The following SNX29 variants were observed in gnomAD, a reference collection of about 807,000 sequenced individuals.
The protein encoded by SNX29 is sorting nexin 29.
SNX29 carries 78 observed loss-of-function variants against 102.1 expected under a neutral mutation model. The ratio of observed to expected loss-of-function variants is 0.76; its 90% CI spans 0.64 to 0.92. SNX29 has a LOEUF of 0.92. Ranked by LOEUF, SNX29 falls within the 40% of genes least tolerant of loss-of-function variation. SNX29 has a pLI of 0.00. For synonymous variants in SNX29, 580 were observed against 414.5 expected (o/e 1.40, Z -4.85); for missense variants, 1,280 against 1,061.7 (o/e 1.21, Z -2.86).
chr16:12,462,048 T>TACACACACACAC (rs1567588303), intron 18 of SNX29, among the ~76,000 whole-genome samples: 26 of 116,154 alleles, frequency 2.2e-4, no homozygotes, highest in African/African-American at 1.0e-3. Flanking sequence ...CACACACTCT[T>TACACACACACAC]ATATATGAGA....
intron 4 of SNX29, among the ~76,000 whole-genome samples, chr16:12,039,398 C>T (rs1172300848): frequency 6.6e-6 from 1 of 152,104 alleles, no homozygotes; most frequent in Non-Finnish European, 1.5e-5. Flanking sequence ...CTCTGTTGTC[C>T]TGCCTGCTAG....
At chr16:12,241,182 G>A (rs187149761) in intron 14 of SNX29, among the ~76,000 whole-genome samples, 1 of 152,236 alleles carries the variant, frequency 6.6e-6, no homozygotes, top group Admixed American at 6.5e-5. Flanking sequence ...TTTTTAAGCT[G>A]CCTAGGTTGC....
intron 14 of SNX29, among the ~76,000 whole-genome samples, chr16:12,235,691 G>A (rs997186238): frequency 6.6e-6 from 1 of 152,082 alleles, no homozygotes; most frequent in Admixed American, 6.5e-5. Flanking sequence ...AAAAAGACTT[G>A]CATCCACATT....
At chr16:12,426,407 C>T (rs2085082092) in intron 18 of SNX29, among the ~76,000 whole-genome samples, 1 of 152,110 alleles carries the variant, frequency 6.6e-6, no homozygotes, top group Non-Finnish European at 1.5e-5. Context: ...CACGTCACTC[C>T]CTCAAAACAC....
At chr16:12,411,144 G>T (rs1211329904) in intron 18 of SNX29, among the ~76,000 whole-genome samples, 2 of 152,206 alleles carry the variant, frequency 1.3e-5, no homozygotes, top group African/African-American at 4.8e-5. Context: ...GGGGAGAGAA[G>T]GACCCGTTCT....
At chr16:12,438,151 A>AG (rs1306272605) in intron 18 of SNX29, among the ~76,000 whole-genome samples, 4 of 151,790 alleles carry the variant, frequency 2.6e-5, no homozygotes, top group Non-Finnish European at 5.9e-5. Flanking sequence ...GGGCAGGAGT[A>AG]GGGGGGCATC....
intron 12 of SNX29, among the ~76,000 whole-genome samples, chr16:12,126,944 G>A (rs947994598): frequency 1.3e-5 from 2 of 152,134 alleles, no homozygotes; most frequent in Non-Finnish European, 2.9e-5. Flanking sequence ...TAAGAATTTG[G>A]TAGAGTGATC....
At chr16:12,338,424 G>A (rs2081515742) in intron 15 of SNX29, among the ~76,000 whole-genome samples, 1 of 152,168 alleles carries the variant, frequency 6.6e-6, no homozygotes, top group Non-Finnish European at 1.5e-5. Context: ...CCCCCGGGAG[G>A]TATTCCCGGG....
chr16:12,037,286 G>A (rs529061492), intron 4 of SNX29, among the ~76,000 whole-genome samples: 3 of 152,238 alleles, frequency 2.0e-5, no homozygotes, highest in East Asian at 1.9e-4. Flanking sequence ...ACAGTTTGGA[G>A]GCCAAATTTG....
At chr16:12,036,153 C>T (rs1260536703) in intron 4 of SNX29, among the ~76,000 whole-genome samples, 1 of 152,092 alleles carries the variant, frequency 6.6e-6, no homozygotes, top group African/African-American at 2.4e-5. Context: ...TAGCTCACTA[C>T]AGCCTCAAAC....
At chr16:12,396,674 C>T (rs1304061858) in intron 16 of SNX29, among the ~76,000 whole-genome samples, 1 of 152,154 alleles carries the variant, frequency 6.6e-6, no homozygotes, top group East Asian at 1.9e-4. Context: ...CCTTTCTTTG[C>T]CCTTTTCCAT....
intron 1 of SNX29, among the ~76,000 whole-genome samples, chr16:11,997,074 A>G (rs1158103270): frequency 6.6e-6 from 1 of 152,140 alleles, no homozygotes; most frequent in Non-Finnish European, 1.5e-5. Flanking sequence ...TGTTCCACCA[A>G]TTAGTATTCA....
chr16:12,423,556 T>G (rs2084947375), intron 18 of SNX29, among the ~76,000 whole-genome samples: 1 of 152,110 alleles, frequency 6.6e-6, no homozygotes. Context: ...CAAGTGCATT[T>G]GGGACATGCT....
chr16:12,511,495 C>T (rs879878706), intron 19 of SNX29, among the ~76,000 whole-genome samples: 5 of 152,170 alleles, frequency 3.3e-5, no homozygotes, highest in Admixed American at 6.5e-5. Flanking sequence ...ATTATTGTTA[C>T]GAGAAACACG....
chr16:12,132,064 C>G (rs369205392), intron 13 of SNX29, among the ~76,000 whole-genome samples: 3 of 151,152 alleles, frequency 2.0e-5, no homozygotes, highest in Non-Finnish European at 4.4e-5. Flanking sequence ...GGTTCTGGTT[C>G]TTAGTCAGCA....
chr16:12,221,865 C>T (rs2077487872), intron 14 of SNX29, among the ~76,000 whole-genome samples: 2 of 152,202 alleles, frequency 1.3e-5, no homozygotes, highest in South Asian at 4.1e-4. Context: ...TCCTTGGGTG[C>T]ACTAAGGAAC....
intron 5 of SNX29, among the ~76,000 whole-genome samples, chr16:12,044,921 C>T (rs1447019264): frequency 2.0e-5 from 3 of 152,094 alleles, no homozygotes; most frequent in Admixed American, 6.6e-5. Context: ...AAGCTCCTTC[C>T]AGCATATTAT....
chr16:12,420,655 C>T (rs1043959797), intron 18 of SNX29, among the ~76,000 whole-genome samples: 1 of 152,116 alleles, frequency 6.6e-6, no homozygotes, highest in Non-Finnish European at 1.5e-5. Context: ...TAGCACTGAC[C>T]TCACAGAGTT....
At chr16:11,991,404 T>G (rs2055841730) in intron 1 of SNX29, among the ~76,000 whole-genome samples, 1 of 152,068 alleles carries the variant, frequency 6.6e-6, no homozygotes, top group South Asian at 2.1e-4. Context: ...TGCCGTCTCA[T>G]GAAGGAAGAG....
Sources: allele counts gnomAD v4.1 joint callset (sites outside exome capture counted in the v4.1 genomes callset), GRCh38; gene constraint gnomAD v4.1.1; transcripts MANE v1.5; gene names NCBI Gene and HGNC (gene_info 2026-07-23, HGNC 2026-07-21).